Variants in GRID2 observed in about 807,000 individuals in gnomAD.
GRID2 encodes glutamate receptor ionotropic, delta-2.
GRID2 carries 33 observed loss-of-function variants against 114.8 expected under a neutral mutation model. The ratio of observed to expected loss-of-function variants is 0.29; its 90% CI spans 0.22 to 0.38. The LOEUF is 0.38. Among genes scored for constraint, GRID2 ranks in the 10% least tolerant of loss-of-function variants. The pLI, the probability that GRID2 is intolerant of heterozygous loss-of-function variation, is 1.00. For missense variants in GRID2, 1,184 were observed against 1,257.7 expected (o/e 0.94, Z 0.89); for synonymous variants, 505 against 449.9 (o/e 1.12, Z -1.55).
In GRID2 at chr4:92,304,591, T is replaced by C; in HGVS notation, c.-66T>C. On this transcript the variant is annotated 5_prime_UTR_variant, in exon 1 of 16. Coordinates refer to ENST00000282020, the MANE Select transcript of GRID2 (RefSeq NM_001510.4). ...AACTCCACCGTGACCTCAAACTCTTTGGACTGTTTGAAAAAAAAAAAATTG... is the reference window on the plus strand; with the variant it reads ...AACTCCACCGTGACCTCAAACTCTTCGGACTGTTTGAAAAAAAAAAAATTG... The C allele has an allele frequency of 9.5e-7, 1 of 1,053,372 alleles. No homozygotes were observed. Among genetic ancestry groups the C allele is most frequent in the Non-Finnish European group, 1.5e-6 (1 of 669,686 alleles). The allele number at this position is 1,053,372 out of a possible 1,614,324, so 65.3% of individuals were successfully genotyped here.
chr4:92,614,503 T>A (rs1054462900), intron 2 of GRID2, among the ~76,000 whole-genome samples: 1 of 151,644 alleles, frequency 6.6e-6, no homozygotes, highest in African/African-American at 2.4e-5. Flanking sequence ...TTGTTTAATT[T>A]CTGAATATTT....
chr4:93,595,899 C>T (rs1739031395), intron 13 of GRID2, among the ~76,000 whole-genome samples: 1 of 152,184 alleles, frequency 6.6e-6, no homozygotes, highest in South Asian at 2.1e-4. Flanking sequence ...TATTATGTGG[C>T]AGGCACTGTG....
At position 92,448,241 on chromosome 4, in the gene GRID2, C is replaced by A. The variant is rs191738731; in HGVS notation, c.89-141890C>A. ...CTAGGCTGGAGTGCAGTGGTACCAT[C>A]TCGGCTCACTGCAACCTCTACCTCT... is the stretch of plus-strand genomic sequence containing the variant. On this transcript the variant is annotated intron_variant, in intron 1 of 15. Transcript: ENST00000282020. 6.5e-3 allele frequency among the ~76,000 whole-genome samples: 987 copies of A among 152,198 alleles called. 10 individuals are homozygous for A. The highest frequency in any genetic ancestry group is 0.022 in the African/African-American group (907 of 41,526).
At chr4:92,723,594 G>T (rs1340495074) in intron 2 of GRID2, among the ~76,000 whole-genome samples, 1 of 152,062 alleles carries the variant, frequency 6.6e-6, no homozygotes, top group Admixed American at 6.6e-5. Context: ...GTACTTTGAG[G>T]CATTAGGTAG....
chr4:93,108,682 G>A (rs1447788039), intron 3 of GRID2, among the ~76,000 whole-genome samples: 1 of 150,364 alleles, frequency 6.7e-6, no homozygotes, highest in Non-Finnish European at 1.5e-5. Flanking sequence ...CCAGGCTGGA[G>A]TGCAGTGGCA....
intron 2 of GRID2, among the ~76,000 whole-genome samples, chr4:92,931,866 G>A (rs1340085770): frequency 6.6e-6 from 1 of 150,858 alleles, no homozygotes; most frequent in Non-Finnish European, 1.5e-5. Flanking sequence ...GCAACTCAAT[G>A]GAAAAAAGAA....
chr4:92,782,181 G>A (rs760895611), intron 2 of GRID2, among the ~76,000 whole-genome samples: 1 of 151,966 alleles, frequency 6.6e-6, no homozygotes, highest in South Asian at 2.1e-4. Flanking sequence ...CAGTAATACT[G>A]TTATTTATAT....
intron 13 of GRID2, among the ~76,000 whole-genome samples, chr4:93,617,875 A>G (rs1741839871): frequency 6.6e-6 from 1 of 152,176 alleles, no homozygotes; most frequent in Non-Finnish European, 1.5e-5. Context: ...AGGAGGAAAA[A>G]CAGTGACAGC....
chr4:93,537,551 T>A (rs1732219152), intron 13 of GRID2, among the ~76,000 whole-genome samples: 1 of 151,852 alleles, frequency 6.6e-6, no homozygotes, highest in Non-Finnish European at 1.5e-5. Context: ...CAGAATTAAA[T>A]CTAAAGTAGC....
intron 2 of GRID2, among the ~76,000 whole-genome samples, chr4:92,766,536 C>CAAAAAA (rs34162997): frequency 1.1e-5 from 1 of 86,978 alleles, no homozygotes; most frequent in African/African-American, 4.5e-5. Context: ...GACTCCTTCT[C>CAAAAAA]AAAAAAAAAA....
chr4:93,633,541 A>G (rs1721136973), intron 14 of GRID2, among the ~76,000 whole-genome samples: 1 of 152,104 alleles, frequency 6.6e-6, no homozygotes, highest in African/African-American at 2.4e-5. Flanking sequence ...TAAAAGATCT[A>G]CTTAACTTTT....
chr4:92,423,218 G>A (rs1412550904), intron 1 of GRID2, among the ~76,000 whole-genome samples: 6 of 152,134 alleles, frequency 3.9e-5, no homozygotes, highest in African/African-American at 1.4e-4. Flanking sequence ...GAGCTATATA[G>A]TAAGACTAGC....
chr4:92,855,239 A>G (rs1037462720), intron 2 of GRID2, among the ~76,000 whole-genome samples: 5 of 152,066 alleles, frequency 3.3e-5, no homozygotes, highest in Non-Finnish European at 5.9e-5. Flanking sequence ...CTACTTGTCA[A>G]TTAAGTTTCT....
intron 10 of GRID2, among the ~76,000 whole-genome samples, chr4:93,447,560 G>A (rs971435625): frequency 2.6e-5 from 4 of 151,842 alleles, no homozygotes; most frequent in South Asian, 2.1e-4. Flanking sequence ...TGAAAGAAAC[G>A]TATGGCATGA....
intron 8 of GRID2, among the ~76,000 whole-genome samples, chr4:93,359,869 TAAAAAAAAA>T (rs1158118048): frequency 8.5e-5 from 2 of 23,594 alleles, no homozygotes; most frequent in African/African-American, 1.8e-4. Context: ...AAGGAAGGTG[TAAAAAAAAA>T]AAAAAAAAAA....
At chr4:93,616,326 T>G (rs1229404221) in intron 13 of GRID2, among the ~76,000 whole-genome samples, 1 of 151,778 alleles carries the variant, frequency 6.6e-6, no homozygotes, top group African/African-American at 2.4e-5. Flanking sequence ...CGCAGATCAC[T>G]TGAAGCCAGG....
intron 5 of GRID2, 23 bp downstream of exon 5, chr4:93,207,480 G>GT (rs767691582): frequency 1.4e-6 from 2 of 1,445,486 alleles, no homozygotes; most frequent in African/African-American, 2.8e-5. Flanking sequence ...AAACCTTATT[G>GT]TTAACTCTGT....
At chr4:93,375,219 T>C (rs557518668) in intron 8 of GRID2, among the ~76,000 whole-genome samples, 1 of 150,062 alleles carries the variant, frequency 6.7e-6, no homozygotes, top group South Asian at 2.1e-4. Flanking sequence ...TTTCCCTTTT[T>C]TTTTTTTTTT....
At chr4:93,701,504 T>C (rs553044234) in intron 14 of GRID2, among the ~76,000 whole-genome samples, 13 of 152,150 alleles carry the variant, frequency 8.5e-5, no homozygotes, top group Non-Finnish European at 1.6e-4. Context: ...GAGCAAATGC[T>C]TAGAAAACAC....
Sources: allele counts gnomAD v4.1 joint callset (sites outside exome capture counted in the v4.1 genomes callset), GRCh38; gene constraint gnomAD v4.1.1; transcripts MANE v1.5; gene names NCBI Gene and HGNC (gene_info 2026-07-23, HGNC 2026-07-21).